Variants in PDE3A observed in about 807,000 individuals in gnomAD.
PDE3A encodes cGMP-inhibited 3',5'-cyclic phosphodiesterase 3A.
In PDE3A, 43 loss-of-function variants were observed where a neutral mutation model predicts 98.3. The observed-to-expected ratio is 0.44, with a 90% CI of 0.34 to 0.56. PDE3A has a LOEUF of 0.56. Among genes scored for constraint, PDE3A ranks in the 20% least tolerant of loss-of-function variants. The pLI is 0.01. For synonymous variants in PDE3A, 663 were observed against 567.9 expected (o/e 1.17, Z -2.38); for missense variants, 1,427 against 1,440.7 (o/e 0.99, Z 0.15).
At chr12:20,550,841 C>T (rs1168523880) in intron 1 of PDE3A, among the ~76,000 whole-genome samples, 1 of 151,826 alleles carries the variant, frequency 6.6e-6, no homozygotes. Flanking sequence ...ATTTTAATTG[C>T]TCTATGGTAT....
Position 20,646,731 on chromosome 12 carries a change from C to T in PDE3A, c.2366-20C>T, listed in dbSNP as rs1157596007. 6.5e-7 allele frequency: 1 copy of T among 1,547,654 alleles called. No individual in the cohort carries two copies. Among genetic ancestry groups the T allele is most frequent in the Admixed American group, 1.7e-5 (1 of 59,576 alleles). On this transcript the variant is annotated intron_variant, in intron 11 of 15. Coordinates refer to ENST00000359062, the MANE Select transcript of PDE3A (RefSeq NM_000921.5). ...AGTACTTTTTTAAAAACTTCTTTGA[C>T]TCTCATTTTCTCTTCTCAGATTCTG...
At chr12:20,658,112 T>C (rs1461942249) in intron 15 of PDE3A, among the ~76,000 whole-genome samples, 1 of 152,242 alleles carries the variant, frequency 6.6e-6, no homozygotes, top group African/African-American at 2.4e-5. Context: ...AGAAGAGTAA[T>C]TTTTAATTTG....
At chr12:20,673,580 C>A (rs1945549449) in intron 15 of PDE3A, among the ~76,000 whole-genome samples, 1 of 150,282 alleles carries the variant, frequency 6.7e-6, no homozygotes, top group African/African-American at 2.5e-5. Flanking sequence ...AAACATCATT[C>A]TCAGTAAACT....
At chr12:20,461,163 C>T (rs973413896) in intron 1 of PDE3A, among the ~76,000 whole-genome samples, 2 of 143,200 alleles carry the variant, frequency 1.4e-5, no homozygotes, top group Non-Finnish European at 3.0e-5. Context: ...AGCTAGGATG[C>T]TTTCATGTCC....
At chr12:20,458,882 G>T (rs11045263) in intron 1 of PDE3A, among the ~76,000 whole-genome samples, 27,719 of 152,088 alleles carry the variant, frequency 0.18, 2,666 homozygotes, top group East Asian at 0.28. Context: ...TCATTAACAT[G>T]GTGTTCACTG....
chr12:20,532,897 C>T (rs1592026897), intron 1 of PDE3A, among the ~76,000 whole-genome samples: 1 of 152,034 alleles, frequency 6.6e-6, no homozygotes, highest in African/African-American at 2.4e-5. Context: ...ACCTTGGTCT[C>T]GATCTCCTGA....
intron 2 of PDE3A, among the ~76,000 whole-genome samples, chr12:20,581,292 T>C (rs1408466785): frequency 6.6e-6 from 1 of 152,196 alleles, no homozygotes; most frequent in East Asian, 1.9e-4. Flanking sequence ...CAGACTTTCA[T>C]GACTTTGTGG....
chr12:20,509,638 A>G (rs937562816), intron 1 of PDE3A, among the ~76,000 whole-genome samples: 2 of 152,050 alleles, frequency 1.3e-5, no homozygotes, highest in East Asian at 1.9e-4. Flanking sequence ...TTTTTGTTTT[A>G]TAATGTCTAG....
At chr12:20,478,912 C>T (rs1945576202) in intron 1 of PDE3A, among the ~76,000 whole-genome samples, 1 of 152,150 alleles carries the variant, frequency 6.6e-6, no homozygotes, top group Non-Finnish European at 1.5e-5. Flanking sequence ...TACCAGCCTT[C>T]TGAATTTTCT....
At chr12:20,600,467 T>C (rs1315665790) in intron 2 of PDE3A, among the ~76,000 whole-genome samples, 1 of 152,192 alleles carries the variant, frequency 6.6e-6, no homozygotes, top group Non-Finnish European at 1.5e-5. Context: ...ATTCCTGCCA[T>C]GATCTGTTTC....
At chr12:20,386,476 GT>G (rs1390618060) in intron 1 of PDE3A, among the ~76,000 whole-genome samples, 1 of 150,642 alleles carries the variant, frequency 6.6e-6, no homozygotes, top group Non-Finnish European at 1.5e-5. Context: ...TTTTAATGGG[GT>G]TGGGGTTGTT....
chr12:20,639,410 C>G (rs73236378), intron 9 of PDE3A, among the ~76,000 whole-genome samples: 1 of 152,080 alleles, frequency 6.6e-6, no homozygotes, highest in South Asian at 2.1e-4. Context: ...AAACTTTGAA[C>G]AAATGTAGTT....
chr12:20,496,941 G>A (rs1945930808), intron 1 of PDE3A, among the ~76,000 whole-genome samples: 1 of 152,148 alleles, frequency 6.6e-6, no homozygotes, highest in Non-Finnish European at 1.5e-5. Flanking sequence ...ATGAACTCAG[G>A]AAACATAAGA....
intron 1 of PDE3A, among the ~76,000 whole-genome samples, chr12:20,428,659 C>T (rs1232749880): frequency 6.6e-6 from 1 of 151,956 alleles, no homozygotes; most frequent in African/African-American, 2.4e-5. Flanking sequence ...GAATATAGGC[C>T]ACTTTACACA....
At chr12:20,390,991 T>C (rs189103364) in intron 1 of PDE3A, among the ~76,000 whole-genome samples, 2 of 152,040 alleles carry the variant, frequency 1.3e-5, no homozygotes, top group African/African-American at 4.8e-5. Context: ...ATGAAAGATA[T>C]TACTGAGTCA....
Position 20,648,835 on chromosome 12 carries a change from A to G in PDE3A, c.2713A>G (p.Ile905Val). ...TTTCCGTTTCCTTGTCATTGAAGCAATTTTGGCCACTGACCTGAAGAAACA... is the reference window on the plus strand; with the variant it reads ...TTTCCGTTTCCTTGTCATTGAAGCAGTTTTGGCCACTGACCTGAAGAAACA... ...KHFRFLVIEA[I>V]LATDLKKHFD... Residue 905 changes from isoleucine (I) to valine (V), a missense_variant, in exon 13 of 16, where the codon ATT becomes GTT. Around this residue, in one of 3 missense-constraint regions of PDE3A, gnomAD observed 273 missense variants for 420.3 expected, o/e 0.65. Transcript: ENST00000359062. The G allele has an allele frequency of 1.9e-6, 3 of 1,613,600 alleles. No individual in the cohort carries two copies. The highest frequency in any genetic ancestry group is 1.7e-6 in the Non-Finnish European group (2 of 1,179,884).
chr12:20,387,598 G>C (rs73232488), intron 1 of PDE3A, among the ~76,000 whole-genome samples: 1 of 151,886 alleles, frequency 6.6e-6, no homozygotes, highest in African/African-American at 2.4e-5. Flanking sequence ...TCTTTTTATA[G>C]AGGAAATACT....
intron 1 of PDE3A, among the ~76,000 whole-genome samples, chr12:20,495,248 C>G (rs1945900018): frequency 6.6e-6 from 1 of 151,872 alleles, no homozygotes; most frequent in Admixed American, 6.6e-5. Flanking sequence ...AAGTTCTGTT[C>G]ATCTAGTTGT....
chr12:20,544,293 T>C (rs1452808761), intron 1 of PDE3A, among the ~76,000 whole-genome samples: 1 of 151,516 alleles, frequency 6.6e-6, no homozygotes, highest in Non-Finnish European at 1.5e-5. Flanking sequence ...TGTATTGAGA[T>C]GTGCTAATAG....
Sources: allele counts gnomAD v4.1 joint callset (sites outside exome capture counted in the v4.1 genomes callset), GRCh38; gene constraint gnomAD v4.1.1; regional missense constraint gnomAD v4.1.1; transcripts MANE v1.5; gene names NCBI Gene and HGNC (gene_info 2026-07-23, HGNC 2026-07-21).